Variants in SNRPN observed in about 807,000 individuals in gnomAD.
SNRPN encodes the protein small nuclear ribonucleoprotein-associated protein N.
SNRPN carries 7 observed loss-of-function variants against 25.2 expected under a neutral mutation model. The observed-to-expected ratio is 0.28, with a 90% CI of 0.16 to 0.52. The LOEUF (loss-of-function observed/expected upper bound fraction) is 0.52, where lower values mean the gene tolerates loss of function less well. Ranked by LOEUF, SNRPN falls within the 20% of genes least tolerant of loss-of-function variation. SNRPN has a pLI of 0.96. For synonymous variants in SNRPN, 124 were observed against 110.6 expected, an observed-to-expected ratio of 1.12 and a Z score of -0.76; for missense variants, 196 against 322.5, an observed-to-expected ratio of 0.61 and a Z score of 3.00.
In SNRPN at chr15:24,978,437, G is replaced by GA; in HGVS notation, c.717dup (p.Pro240ThrfsTer6). On this transcript the variant is annotated frameshift_variant, in exon 10 of 10. Coordinates refer to ENST00000390687, the MANE Select transcript of SNRPN (RefSeq NM_003097.6). LOFTEE classifies it high-confidence loss of function. ...CCTCCCCCAGGAATGCGTCCACCAA[G>GA]ACCTTAGCATACTGTTGATCCATCT... 6.2e-7 allele frequency: 1 copy of GA among 1,613,656 alleles called. No individual in the cohort carries two copies. The highest frequency in any genetic ancestry group is 8.5e-7 in the Non-Finnish European group (1 of 1,179,894).
chr15:24,928,025 A>G (rs11857470), intron 3 of SNRPN, among the ~76,000 whole-genome samples: 27 of 152,326 alleles, frequency 1.8e-4, no homozygotes, highest in African/African-American at 6.0e-4. Context: ...CAAAACCACA[A>G]TGAGATATCA....
chr15:24,824,640 T>A (rs1264379114), intron 1 of SNRPN, among the ~76,000 whole-genome samples: 2 of 152,118 alleles, frequency 1.3e-5, no homozygotes, highest in Non-Finnish European at 2.9e-5. Context: ...CAAACTACTT[T>A]TTTAATTTTT....
chr15:24,858,047 G>A (rs2053587747), intron 1 of SNRPN, among the ~76,000 whole-genome samples: 1 of 152,110 alleles, frequency 6.6e-6, no homozygotes, highest in African/African-American at 2.4e-5. Flanking sequence ...ATCGGGAGCA[G>A]GGCCTGCAAT....
intron 3 of SNRPN, among the ~76,000 whole-genome samples, chr15:24,933,051 C>T (rs1034462102): frequency 2.6e-5 from 4 of 152,014 alleles, no homozygotes; most frequent in Non-Finnish European, 5.9e-5. Flanking sequence ...TACTTGAGTC[C>T]AGGAGTTTGA....
chr15:24,852,120 TCTC>T (rs1160122016), upstream of SNRPN: 1 of 152,218 alleles, frequency 6.6e-6, no homozygotes, highest in Non-Finnish European at 1.5e-5. Context: ...AAGATTAGTG[TCTC>T]CTCATTTCAT....
chr15:24,876,629 A>AAG (rs2055915042), intron 1 of SNRPN, among the ~76,000 whole-genome samples: 1 of 151,944 alleles, frequency 6.6e-6, no homozygotes, highest in Non-Finnish European at 1.5e-5. Context: ...AAAAAAAAAA[A>AAG]AAAAAGATGC....
chr15:24,840,898 C>G (rs2051632176), intron 2 of SNRPN, among the ~76,000 whole-genome samples: 1 of 152,022 alleles, frequency 6.6e-6, no homozygotes, highest in South Asian at 2.1e-4. Flanking sequence ...CCAGGCTGAC[C>G]TGGTGCGATC....
intron 2 of SNRPN, among the ~76,000 whole-genome samples, chr15:24,836,792 A>AT (rs2051238453): frequency 6.6e-6 from 1 of 152,140 alleles, no homozygotes; most frequent in Non-Finnish European, 1.5e-5. Flanking sequence ...AGAACTGTGC[A>AT]TTTTTATGGA....
chr15:24,971,001 C>G (rs182456294), intron 3 of SNRPN, among the ~76,000 whole-genome samples: 29 of 152,210 alleles, frequency 1.9e-4, no homozygotes, highest in South Asian at 2.1e-4. Context: ...ACTGATATTC[C>G]ATGGTGTGTC....
intron 3 of SNRPN, among the ~76,000 whole-genome samples, chr15:24,942,070 G>T (rs998281301): frequency 6.6e-6 from 1 of 152,124 alleles, no homozygotes; most frequent in Non-Finnish European, 1.5e-5. Context: ...GAGCCACCGT[G>T]CCCGGCCTAG....
intron 2 of SNRPN, among the ~76,000 whole-genome samples, chr15:24,841,020 T>C (rs1490796353): frequency 6.6e-6 from 1 of 152,096 alleles, no homozygotes; most frequent in Non-Finnish European, 1.5e-5. Flanking sequence ...TTTTATATTT[T>C]AGTAGAGACG....
At chr15:24,911,543 CTG>C (rs1231432344) in intron 2 of SNRPN, among the ~76,000 whole-genome samples, 2 of 152,210 alleles carry the variant, frequency 1.3e-5, no homozygotes, top group Non-Finnish European at 2.9e-5. Context: ...GCTTCCCCAT[CTG>C]TGGTTCAGGT....
chr15:24,975,054 C>T (rs144502360), intron 4 of SNRPN: 124 of 690,440 alleles, frequency 1.8e-4, no homozygotes, highest in African/African-American at 1.5e-3. Context: ...GAACACCCTA[C>T]ATCATTGTGG....
chr15:24,918,329 A>T lies in SNRPN; in HGVS notation c.-504-1682A>T, dbSNP rs569153032. Among the ~76,000 whole-genome samples the T allele has an allele frequency of 3.0e-4, 23 of 75,568 alleles. 2 individuals are homozygous for T. Among genetic ancestry groups the T allele is most frequent in the Non-Finnish European group, 2.6e-5 (1 of 38,896 alleles). 49.6% of individuals were successfully genotyped at this position (75,568 alleles called of 152,430 possible). On this transcript the variant is annotated intron_variant, in intron 2 of 11. Transcript: ENST00000400097. The stretch of plus-strand genomic sequence containing the variant: ...ATGCAAACATATATATATATAACAT[A>T]ATATATATGTGTATATATATATAAC...
intron 2 of SNRPN, chr15:24,830,024 G>A (rs1008073128): frequency 1.3e-5 from 2 of 152,070 alleles, no homozygotes; most frequent in Admixed American, 6.5e-5. Flanking sequence ...GGATATACAC[G>A]TTTGTCAGTG....
At chr15:24,933,055 A>C (rs149514770) in intron 3 of SNRPN, among the ~76,000 whole-genome samples, 2,859 of 152,224 alleles carry the variant, frequency 0.019, 98 homozygotes, top group African/African-American at 0.065. Context: ...TGAGTCCAGG[A>C]GTTTGAGACC....
intron 3 of SNRPN, among the ~76,000 whole-genome samples, chr15:24,921,591 C>A (rs1212142979): frequency 6.6e-6 from 1 of 152,088 alleles, no homozygotes; most frequent in Non-Finnish European, 1.5e-5. Flanking sequence ...AGTGAGCCAC[C>A]CAGGGCTTGG....
intron 2 of SNRPN, among the ~76,000 whole-genome samples, chr15:24,908,434 C>T (rs2058994963): frequency 1.3e-5 from 2 of 152,048 alleles, no homozygotes; most frequent in South Asian, 4.2e-4. Context: ...TAGAGAAAGC[C>T]TCCGTCTTTG....
intron 2 of SNRPN, among the ~76,000 whole-genome samples, chr15:24,902,461 AGAT>A (rs373445540): frequency 3.0e-4 from 46 of 152,234 alleles, no homozygotes; most frequent in African/African-American, 1.1e-3. Context: ...AAGTATGAAC[AGAT>A]GATGAACTAT....
Sources: gnomAD v4.1 joint callset for allele counts (sites outside exome capture counted in the v4.1 genomes callset) on GRCh38, gnomAD v4.1.1 for gene constraint, MANE v1.5 for transcripts, NCBI Gene and HGNC (gene_info 2026-07-23, HGNC 2026-07-21) for gene names.